The following PRKN variants were observed in gnomAD, a reference collection of about 807,000 sequenced individuals.
PRKN encodes E3 ubiquitin-protein ligase parkin.
In PRKN, 56 loss-of-function variants were observed where a neutral mutation model predicts 59.5. The ratio of observed to expected loss-of-function variants is 0.94; its 90% confidence interval spans 0.76 to 1.18. The LOEUF (loss-of-function observed/expected upper bound fraction) is 1.18, where lower values mean the gene tolerates loss of function less well. PRKN is among the 50% of genes most tolerant of loss of function. The probability of loss-of-function intolerance (pLI) is 0.00; values close to 1 mark genes in which losing one functional copy is unlikely to be tolerated. For synonymous variants in PRKN, 250 were observed against 222.1 expected, an observed-to-expected ratio of 1.13 and a Z score of -1.12; for missense variants, 657 against 596.4, an observed-to-expected ratio of 1.10 and a Z score of -1.06.
intron 1 of PRKN, among the ~76,000 whole-genome samples, chr6:162,579,717 C>A (rs1367226239): frequency 1.3e-5 from 2 of 151,960 alleles, no homozygotes; most frequent in Admixed American, 6.6e-5. Context: ...TTCACACACA[C>A]AAAATCACAC....
chr6:161,429,891 A>G lies in PRKN; in HGVS notation c.1084-43014T>C, dbSNP rs1218200145. 6.6e-6 allele frequency among the ~76,000 whole-genome samples: 1 copy of G among 152,176 alleles called. No individual in the cohort carries two copies. Among genetic ancestry groups the G allele is most frequent in the African/African-American group, 2.4e-5 (1 of 41,430 alleles). On this transcript the variant is annotated intron_variant, in intron 9 of 11. Coordinates refer to ENST00000366898, the MANE Select transcript of PRKN (RefSeq NM_004562.3). The surrounding 1 kb of genome is among the most constrained non-coding windows in gnomAD (Gnocchi z 4.2). ...GATTTTGCTTTCTTTGCAAGCTAAC[A>G]AGTTAGTCTGCTCAGTTTTACGGAG...
chr6:162,196,825 T>C (rs1364908973), intron 4 of PRKN, among the ~76,000 whole-genome samples: 3 of 152,192 alleles, frequency 2.0e-5, no homozygotes, highest in African/African-American at 7.2e-5. Context: ...CAACTCATTA[T>C]TATTACATGT....
At chr6:161,951,559 AAAAG>A (rs1779990273) in intron 6 of PRKN, among the ~76,000 whole-genome samples, 1 of 152,174 alleles carries the variant, frequency 6.6e-6, no homozygotes, top group Admixed American at 6.5e-5. Flanking sequence ...CAAAACCTTA[AAAAG>A]AAAGATCACT....
At position 161,369,230 on chromosome 6, in the gene PRKN, C is replaced by A. The variant is rs1785343013; in HGVS notation, c.1168-9025G>T. On this transcript the variant is annotated intron_variant, in intron 10 of 11. Coordinates refer to ENST00000366898, the MANE Select transcript of PRKN (RefSeq NM_004562.3). The surrounding 1 kb of genome is among the most constrained non-coding windows in gnomAD (Gnocchi z 5.8). ...ATCTCAAGCAGTGGCTGGGTGCCCA[C>A]AGGTTCAAGATCACCAAAGCGATTC... is the stretch of plus-strand genomic sequence containing the variant. Among the ~76,000 whole-genome samples, 1 of 152,180 alleles carries A rather than the reference C, an allele frequency of 6.6e-6. No individual in the cohort carries two copies. The highest frequency in any genetic ancestry group is 1.5e-5 in the Non-Finnish European group (1 of 68,028).
At chr6:162,033,659 G>A (rs1175575767) in intron 5 of PRKN, among the ~76,000 whole-genome samples, 3 of 152,144 alleles carry the variant, frequency 2.0e-5, no homozygotes, top group African/African-American at 4.8e-5. Flanking sequence ...AGGTTCTCTT[G>A]TAGTTAAAGC....
intron 1 of PRKN, chr6:162,695,090 T>C (rs1584064464): frequency 6.6e-6 from 1 of 152,170 alleles, no homozygotes; most frequent in Non-Finnish European, 1.5e-5. Flanking sequence ...TGAGGAGAAA[T>C]TGAACATATT....
At chr6:161,899,888 C>T (rs1777819570) in intron 6 of PRKN, among the ~76,000 whole-genome samples, 1 of 152,090 alleles carries the variant, frequency 6.6e-6, no homozygotes, top group Admixed American at 6.6e-5. Flanking sequence ...TTTGGGAGGC[C>T]GAGGTGGGCA....
At chr6:161,567,650 C>T (rs1780707017) in intron 8 of PRKN, among the ~76,000 whole-genome samples, 1 of 151,980 alleles carries the variant, frequency 6.6e-6, no homozygotes, top group Non-Finnish European at 1.5e-5. Flanking sequence ...CAAAACTAAT[C>T]GTAGTGATAT....
In PRKN at chr6:161,513,244, C is replaced by T. The variant is rs1375398028; in HGVS notation, c.1083+35610G>A. Among the ~76,000 whole-genome samples the T allele has an allele frequency of 2.6e-5, 4 of 152,050 alleles. No individual in the cohort carries two copies. In the South Asian group the frequency reaches 6.2e-4, roughly 24 times the overall value. ...TAAAGATACATGTTTTGTTTGTTTG[C>T]TTGCTTTGTTTTTTGAGATGGGGTC... is the stretch of plus-strand genomic sequence containing the variant. On this transcript the variant is annotated intron_variant, in intron 9 of 11. Coordinates refer to ENST00000366898, the MANE Select transcript of PRKN (RefSeq NM_004562.3).
chr6:161,813,777 C>T (rs1791656721), intron 6 of PRKN, among the ~76,000 whole-genome samples: 1 of 152,182 alleles, frequency 6.6e-6, no homozygotes, highest in African/African-American at 2.4e-5. Flanking sequence ...CATCCTCTTC[C>T]TCTCCTCCAT....
intron 9 of PRKN, among the ~76,000 whole-genome samples, chr6:161,543,402 T>C (rs1012650729): frequency 6.6e-6 from 1 of 152,170 alleles, no homozygotes; most frequent in African/African-American, 2.4e-5. Context: ...GAAACCCTTT[T>C]TAAGAAAACC....
intron 5 of PRKN, among the ~76,000 whole-genome samples, chr6:161,974,747 G>A (rs566134258): frequency 7.9e-5 from 12 of 152,182 alleles, no homozygotes; most frequent in East Asian, 1.9e-4. Context: ...TTCCACTTGC[G>A]TTTAACTACC....
intron 6 of PRKN, among the ~76,000 whole-genome samples, chr6:161,832,183 T>C (rs895749528): frequency 6.6e-6 from 1 of 152,196 alleles, no homozygotes; most frequent in Non-Finnish European, 1.5e-5. Flanking sequence ...GAAATGCAAA[T>C]GTATATTAGG....
chr6:162,359,059 CA>C (rs71692740), intron 2 of PRKN, among the ~76,000 whole-genome samples: 3,623 of 92,538 alleles, frequency 0.039, 146 homozygotes, highest in East Asian at 0.29. Flanking sequence ...CACACTGTGG[CA>C]AAAAAAAAAA....
At chr6:162,485,887 T>G (rs1310963429) in intron 1 of PRKN, among the ~76,000 whole-genome samples, 1 of 152,174 alleles carries the variant, frequency 6.6e-6, no homozygotes, top group Non-Finnish European at 1.5e-5. Flanking sequence ...GCTAAAGGCT[T>G]GTTAGAAAAT....
intron 1 of PRKN, among the ~76,000 whole-genome samples, chr6:162,533,098 G>T (rs1049776214): frequency 1.3e-5 from 2 of 152,116 alleles, no homozygotes; most frequent in Admixed American, 6.6e-5. Flanking sequence ...TCAAATTCTT[G>T]TATCTGCTTA....
chr6:162,074,623 GTA>G (rs200087773), intron 4 of PRKN, among the ~76,000 whole-genome samples: 7,932 of 138,320 alleles, frequency 0.057, 290 homozygotes, highest in Non-Finnish European at 0.087. Flanking sequence ...AAAACTTAAA[GTA>G]TATATATAAA....
intron 6 of PRKN, among the ~76,000 whole-genome samples, chr6:161,803,072 A>G (rs1294067619): frequency 6.6e-6 from 1 of 152,204 alleles, no homozygotes; most frequent in African/African-American, 2.4e-5. Flanking sequence ...CCACTCTTCA[A>G]TTGGGACTTA....
At chr6:162,541,920 G>A (rs1392403988) in intron 1 of PRKN, among the ~76,000 whole-genome samples, 1 of 152,070 alleles carries the variant, frequency 6.6e-6, no homozygotes, top group Non-Finnish European at 1.5e-5. Context: ...AATTCTATGA[G>A]TATGGGCGTC....
Sources: gnomAD v4.1 joint callset for allele counts (sites outside exome capture counted in the v4.1 genomes callset) on GRCh38, gnomAD v4.1.1 for gene constraint, Gnocchi (gnomAD v3.1) non-coding constraint, MANE v1.5 for transcripts, NCBI Gene and HGNC (gene_info 2026-07-23, HGNC 2026-07-21) for gene names.